LRMDA: variants seen among roughly 807,000 people sequenced by gnomAD.
The protein encoded by LRMDA is leucine rich melanocyte differentiation associated.
Under a neutral mutation model 29.8 loss-of-function variants are expected in LRMDA, and 18 were observed. That is an observed-to-expected ratio of 0.60 (90% CI 0.42 to 0.90). The LOEUF (loss-of-function observed/expected upper bound fraction) is 0.90, where lower values mean the gene tolerates loss of function less well. LRMDA is among the 40% of genes least tolerant of loss of function. The probability of loss-of-function intolerance (pLI) is 0.00; values close to 1 mark genes in which losing one functional copy is unlikely to be tolerated. For missense variants in LRMDA, 273 were observed against 273.9 expected (o/e 1.00, Z 0.02); for synonymous variants, 125 against 109.4 (o/e 1.14, Z -0.89).
intron 6 of LRMDA, chr10:76,438,645 T>A (rs1013984720): frequency 6.6e-6 from 1 of 152,198 alleles, no homozygotes; most frequent in Non-Finnish European, 1.5e-5. Context: ...GAAATGATAT[T>A]TGTGAATCCC....
chr10:76,266,729 A>T (rs1330032087), intron 5 of LRMDA, among the ~76,000 whole-genome samples: 3 of 152,200 alleles, frequency 2.0e-5, no homozygotes, highest in Non-Finnish European at 4.4e-5. Flanking sequence ...TTAGATTATT[A>T]CTAATTTTAT....
chr10:75,890,789 C>T (rs1200791368), intron 2 of LRMDA, among the ~76,000 whole-genome samples: 1 of 152,170 alleles, frequency 6.6e-6, no homozygotes, highest in Non-Finnish European at 1.5e-5. Flanking sequence ...CCTGAGAAAA[C>T]TGCCAGGAAG....
At chr10:75,473,065 C>T (rs1844744713) in intron 2 of LRMDA, among the ~76,000 whole-genome samples, 1 of 152,220 alleles carries the variant, frequency 6.6e-6, no homozygotes, top group South Asian at 2.1e-4. Context: ...AGGTTTGCAT[C>T]TCTTCTTCCC....
intron 2 of LRMDA, among the ~76,000 whole-genome samples, chr10:75,552,124 C>T (rs1220832599): frequency 3.3e-5 from 5 of 152,128 alleles, no homozygotes; most frequent in African/African-American, 4.8e-5. Flanking sequence ...TTAATCATTT[C>T]TAGAGCTCTT....
At chr10:76,043,139 G>A (rs1281609035) in intron 3 of LRMDA, among the ~76,000 whole-genome samples, 1 of 152,052 alleles carries the variant, frequency 6.6e-6, no homozygotes, top group African/African-American at 2.4e-5. Flanking sequence ...AAGATTTCAG[G>A]ACATTTTAAG....
chr10:75,555,969 A>T (rs1172821773), intron 2 of LRMDA, among the ~76,000 whole-genome samples: 1 of 152,234 alleles, frequency 6.6e-6, no homozygotes, highest in Non-Finnish European at 1.5e-5. Flanking sequence ...ATGACAGCGC[A>T]AGAGTCAGAT....
At chr10:76,397,498 A>G (rs1286392581) in intron 6 of LRMDA, among the ~76,000 whole-genome samples, 2 of 152,232 alleles carry the variant, frequency 1.3e-5, no homozygotes, top group Non-Finnish European at 2.9e-5. Context: ...TGACCACTTC[A>G]TAATTTGTTT....
At chr10:75,850,953 A>G (rs1304787253) in intron 2 of LRMDA, among the ~76,000 whole-genome samples, 1 of 152,220 alleles carries the variant, frequency 6.6e-6, no homozygotes, top group Non-Finnish European at 1.5e-5. Flanking sequence ...ACACAGAAAT[A>G]TTTTAAAGTT....
At chr10:75,454,341 A>G (rs1203569528) in intron 2 of LRMDA, among the ~76,000 whole-genome samples, 1 of 151,786 alleles carries the variant, frequency 6.6e-6, no homozygotes, top group Non-Finnish European at 1.5e-5. Flanking sequence ...GGCTTCTGCA[A>G]CTCTCACTTT....
chr10:76,547,486 G>T (rs986517735), intron 6 of LRMDA, among the ~76,000 whole-genome samples: 2 of 151,786 alleles, frequency 1.3e-5, no homozygotes, highest in African/African-American at 4.8e-5. Context: ...TCCCTGAATA[G>T]TTGCCGCCAT....
At chr10:76,193,576 G>T (rs923269849) in intron 5 of LRMDA, among the ~76,000 whole-genome samples, 5 of 151,866 alleles carry the variant, frequency 3.3e-5, no homozygotes, top group African/African-American at 1.2e-4. Flanking sequence ...TATTATTATC[G>T]CATATCTCTG....
intron 2 of LRMDA, among the ~76,000 whole-genome samples, chr10:75,517,257 G>A (rs1333231461): frequency 6.6e-6 from 1 of 152,126 alleles, no homozygotes; most frequent in African/African-American, 2.4e-5. Flanking sequence ...GTAGCTTGAT[G>A]GGGATGGCAT....
intron 5 of LRMDA, among the ~76,000 whole-genome samples, chr10:76,216,102 C>T (rs946941893): frequency 6.6e-6 from 1 of 152,138 alleles, no homozygotes; most frequent in Non-Finnish European, 1.5e-5. Flanking sequence ...GCCTTTTATC[C>T]CAACATTTTG....
intron 5 of LRMDA, among the ~76,000 whole-genome samples, chr10:76,111,456 C>T (rs1210710112): frequency 2.0e-5 from 3 of 152,212 alleles, no homozygotes; most frequent in Non-Finnish European, 2.9e-5. Flanking sequence ...AGCCACCACA[C>T]CTAAATGTTC....
intron 5 of LRMDA, among the ~76,000 whole-genome samples, chr10:76,175,455 G>A (rs1037511149): frequency 2.6e-5 from 4 of 152,224 alleles, no homozygotes; most frequent in African/African-American, 7.2e-5. Flanking sequence ...GTAAGTGCTC[G>A]CATTAACTAT....
At chr10:75,870,173 G>A (rs1845084981) in intron 2 of LRMDA, among the ~76,000 whole-genome samples, 1 of 152,084 alleles carries the variant, frequency 6.6e-6, no homozygotes, top group African/African-American at 2.4e-5. Context: ...AATAATTCTT[G>A]ACATATGAAA....
At chr10:76,119,318 G>A (rs964848298) in intron 5 of LRMDA, among the ~76,000 whole-genome samples, 2 of 152,134 alleles carry the variant, frequency 1.3e-5, no homozygotes, top group East Asian at 3.9e-4. Context: ...GGGCAGCATA[G>A]ATTGCTTCTG....
chr10:76,471,511 G>C (rs1842617340), intron 6 of LRMDA, among the ~76,000 whole-genome samples: 1 of 151,466 alleles, frequency 6.6e-6, no homozygotes, highest in Non-Finnish European at 1.5e-5. Flanking sequence ...AGAAGGAACA[G>C]GGAAGCAAAC....
intron 6 of LRMDA, among the ~76,000 whole-genome samples, chr10:76,546,513 T>C (rs1463961852): frequency 6.6e-6 from 1 of 152,204 alleles, no homozygotes; most frequent in Admixed American, 6.5e-5. Context: ...GAGTGGCTAG[T>C]TAGTCACATG....
Sources: gnomAD v4.1 joint callset for allele counts (sites outside exome capture counted in the v4.1 genomes callset) on GRCh38, gnomAD v4.1.1 for gene constraint, MANE v1.5 for transcripts, NCBI Gene and HGNC (gene_info 2026-07-23, HGNC 2026-07-21) for gene names.